Variants in NXN observed in about 807,000 individuals in gnomAD.
NXN encodes nucleoredoxin.
A neutral mutation model predicts 48.6 loss-of-function variants in NXN; 16 were observed. The ratio of observed to expected loss-of-function variants is 0.33; its 90% CI spans 0.22 to 0.50. The LOEUF (loss-of-function observed/expected upper bound fraction) is 0.50. NXN is among the 20% of genes least tolerant of loss of function. NXN has a pLI of 0.98. For synonymous variants in NXN, 281 were observed against 269.6 expected (o/e 1.04, Z -0.41); for missense variants, 492 against 605.5 (o/e 0.81, Z 1.97).
In NXN at chr17:898,996, C is replaced by T. The variant is rs1342854748; in HGVS notation, c.361-72918G>A. ...TTTTTGAGACAGAGCCTTGCTCTGT[C>T]GCCCAGGCTGGAGTGCAGTGGCACG... On this transcript the variant is annotated intron_variant, in intron 1 of 7. Transcript: ENST00000336868. Among the ~76,000 whole-genome samples the T allele has an allele frequency of 2.0e-5, 2 of 101,966 alleles. 1 individual carries two copies. The highest frequency in any genetic ancestry group is 5.9e-5 in the African/African-American group (2 of 34,024). The allele number at this position is 101,966 out of a possible 152,430, so 66.9% of individuals were successfully genotyped here.
intron 1 of NXN, among the ~76,000 whole-genome samples, chr17:838,877 G>A (rs1913976126): frequency 6.6e-6 from 1 of 152,170 alleles, no homozygotes; most frequent in Non-Finnish European, 1.5e-5. Context: ...GGTCCTCACT[G>A]GTCAGTGAAA....
rs187714268 is a variant in NXN, at chr17:943,856, A to C, written c.360+35463T>G. Among the ~76,000 whole-genome samples, 481 of 152,014 alleles carry C rather than the reference A, an allele frequency of 3.2e-3. 2 individuals carry two copies. The highest frequency in any genetic ancestry group is 5.7e-3 in the Non-Finnish European group (390 of 67,984). On this transcript the variant is annotated intron_variant, in intron 1 of 7. Coordinates refer to ENST00000336868, the MANE Select transcript of NXN (RefSeq NM_022463.5). ...AGGAAAAAAAAATGGTGAAGACAGTAAATTATGTTATGTATATTCTACCAC... is the reference window on the plus strand; with the variant it reads ...AGGAAAAAAAAATGGTGAAGACAGTCAATTATGTTATGTATATTCTACCAC...
intron 1 of NXN, among the ~76,000 whole-genome samples, chr17:845,712 GC>G (rs1567830455): frequency 1.3e-5 from 2 of 152,368 alleles, no homozygotes; most frequent in Admixed American, 1.3e-4. Context: ...CACAGCCTGA[GC>G]CATAGGCAGG....
At chr17:842,038 C>A (rs146979715) in intron 1 of NXN, among the ~76,000 whole-genome samples, 50 of 152,148 alleles carry the variant, frequency 3.3e-4, no homozygotes, top group African/African-American at 1.1e-3. Context: ...CAGGAGGCTG[C>A]GGCAGGAGAA....
At position 819,522 on chromosome 17, in the gene NXN, T is replaced by C; in HGVS notation, c.737A>G (p.Tyr246Cys). 1 of 1,610,662 alleles carries C rather than the reference T, an allele frequency of 6.2e-7. No homozygotes were observed. Among genetic ancestry groups the C allele is most frequent in the Non-Finnish European group, 8.5e-7 (1 of 1,177,910 alleles). ...GGCGAGCCAGGGCATCTCACTGAAG[T>C]ACTGTTTGAAGGACTCCTCCGACCT... ...ADRSEESFKQYFSEMPWLAVP... is the reference protein window; with the variant it reads ...ADRSEESFKQCFSEMPWLAVP... The change falls in exon 5 of 8, where the codon TAC (tyrosine) becomes TGC (cysteine). Residue 246 changes from tyrosine (Y) to cysteine (C), a missense_variant. Around this residue, in one of 3 missense-constraint regions of NXN, gnomAD observed 303 missense variants for 388.3 expected, o/e 0.78. Transcript: ENST00000336868.
At chr17:965,736 C>T (rs541268554) in intron 1 of NXN, among the ~76,000 whole-genome samples, 1 of 152,134 alleles carries the variant, frequency 6.6e-6, no homozygotes, top group Admixed American at 6.6e-5. Context: ...CCACATAACA[C>T]AGAGCTAAGA....
chr17:868,378 C>T (rs2068114755), intron 1 of NXN, among the ~76,000 whole-genome samples: 1 of 152,238 alleles, frequency 6.6e-6, no homozygotes, highest in African/African-American at 2.4e-5. Context: ...TCTCATCCAG[C>T]CAGCAGGGTG....
intron 1 of NXN, among the ~76,000 whole-genome samples, chr17:903,945 G>C (rs929170940): frequency 6.6e-6 from 1 of 152,192 alleles, no homozygotes; most frequent in African/African-American, 2.4e-5. Flanking sequence ...ACGCTCCCTT[G>C]TTTGTGGTAA....
At chr17:946,535 C>T (rs1368302827) in intron 1 of NXN, among the ~76,000 whole-genome samples, 2 of 152,206 alleles carry the variant, frequency 1.3e-5, no homozygotes, top group Non-Finnish European at 2.9e-5. Flanking sequence ...TGCAAGAGTC[C>T]GTAGTGGGTG....
chr17:885,436 C>T lies in NXN; in HGVS notation c.361-59358G>A, dbSNP rs572171002. On this transcript the variant is annotated intron_variant, in intron 1 of 7. Coordinates refer to ENST00000336868, the MANE Select transcript of NXN (RefSeq NM_022463.5). ...AGGTTGCAGTGAGCGGAGATCGCAC[C>T]ACTACACTCCAGCCTGGGCAACAAG... 1.0e-3 allele frequency among the ~76,000 whole-genome samples: 155 copies of T among 151,312 alleles called. 1 individual carries two copies. The highest frequency in any genetic ancestry group is 3.4e-3 in the African/African-American group (138 of 41,134).
intron 1 of NXN, among the ~76,000 whole-genome samples, chr17:857,724 A>AAATAGGGC (rs1235585450): frequency 6.6e-6 from 1 of 152,170 alleles, no homozygotes; most frequent in African/African-American, 2.4e-5. Flanking sequence ...AGGGCCATCA[A>AAATAGGGC]AATAGGGCAG....
At chr17:844,493 G>A (rs1301640623) in intron 1 of NXN, among the ~76,000 whole-genome samples, 1 of 152,238 alleles carries the variant, frequency 6.6e-6, no homozygotes, top group Non-Finnish European at 1.5e-5. Flanking sequence ...AACAAGCTAT[G>A]AGGCGATCGC....
chr17:835,613 C>A (rs8066620), intron 1 of NXN, among the ~76,000 whole-genome samples: 1 of 151,546 alleles, frequency 6.6e-6, no homozygotes, highest in African/African-American at 2.4e-5. Flanking sequence ...AACAATGAAA[C>A]ACATATCAAA....
chr17:890,550 AT>A (rs71145787), intron 1 of NXN, among the ~76,000 whole-genome samples: 51,217 of 146,662 alleles, frequency 0.35, 9,055 homozygotes, highest in Middle Eastern at 0.5. Context: ...AATTTTTTGT[AT>A]TTTTTTTTTT....
rs1913403351 is a variant in NXN, at chr17:830,614, TCATAAGATTTGTGAAC to T, written c.361-4552_361-4537del. On this transcript the variant is annotated intron_variant, in intron 1 of 7. Transcript: ENST00000336868. The surrounding 1 kb of genome is among the most constrained non-coding windows in gnomAD (Gnocchi z 4.2). ...GCGGCTGTGATGAGGTCAGAGATCA[TCATAAGATTTGTGAAC>T]CACATCGTCAAGGCCCCGTGGACGA... Among the ~76,000 whole-genome samples, 1 of 152,072 alleles carries T rather than the reference TCATAAGATTTGTGAAC, an allele frequency of 6.6e-6. No homozygotes were observed. Among genetic ancestry groups the T allele is most frequent in the South Asian group, 2.1e-4 (1 of 4,810 alleles).
intron 1 of NXN, among the ~76,000 whole-genome samples, chr17:829,313 G>GC (rs1474270068): frequency 3.3e-5 from 5 of 151,796 alleles, no homozygotes; most frequent in Admixed American, 1.3e-4. Flanking sequence ...GCACCACCTT[G>GC]CCGGCTAATT....
intron 1 of NXN, among the ~76,000 whole-genome samples, chr17:846,518 G>A (rs948026081): frequency 6.6e-6 from 1 of 152,152 alleles, no homozygotes; most frequent in Non-Finnish European, 1.5e-5. Flanking sequence ...TGCACAGAGG[G>A]GTGCCCCTTT....
chr17:858,303 G>A (rs957182353), intron 1 of NXN, among the ~76,000 whole-genome samples: 4 of 152,008 alleles, frequency 2.6e-5, no homozygotes, highest in African/African-American at 9.7e-5. Flanking sequence ...ACAGGCATGA[G>A]CCACCACGTC....
chr17:864,994 C>T (rs769254080), intron 1 of NXN, among the ~76,000 whole-genome samples: 1 of 152,120 alleles, frequency 6.6e-6, no homozygotes, highest in African/African-American at 2.4e-5. Context: ...TCCTGGATCT[C>T]GGAACTAGAA....
Sources: gnomAD v4.1 joint callset for allele counts (sites outside exome capture counted in the v4.1 genomes callset) on GRCh38, gnomAD v4.1.1 for gene constraint, gnomAD v4.1.1 regional missense constraint, Gnocchi (gnomAD v3.1) non-coding constraint, MANE v1.5 for transcripts, NCBI Gene and HGNC (gene_info 2026-07-23, HGNC 2026-07-21) for gene names.